The following CADM2 variants were observed in gnomAD, a reference collection of about 807,000 sequenced individuals.
CADM2 encodes cell adhesion molecule 2, also known as immunoglobulin superfamily member 4D.
A neutral mutation model predicts 49.8 loss-of-function variants in CADM2; 12 were observed. The ratio of observed to expected loss-of-function variants is 0.24; its 90% CI spans 0.15 to 0.39. The LOEUF is 0.39. Among genes scored for constraint, CADM2 ranks in the 10% least tolerant of loss-of-function variants. CADM2 has a pLI of 1.00. For synonymous variants in CADM2, 214 were observed against 175.4 expected (o/e 1.22, Z -1.74); for missense variants, 378 against 492.3 (o/e 0.77, Z 2.20).
At chr3:86,010,825 A>T (rs1391690209) in intron 8 of CADM2, among the ~76,000 whole-genome samples, 1 of 151,748 alleles carries the variant, frequency 6.6e-6, no homozygotes, top group African/African-American at 2.4e-5. Context: ...AATTATTAAT[A>T]TGCACAAATA....
chr3:85,379,944 C>T (rs187773255), intron 1 of CADM2, among the ~76,000 whole-genome samples: 64 of 152,048 alleles, frequency 4.2e-4, no homozygotes, highest in Admixed American at 1.1e-3. Context: ...GCACATTCTA[C>T]GCAAGAAAGC....
intron 1 of CADM2, among the ~76,000 whole-genome samples, chr3:85,293,996 A>G (rs1037487747): frequency 6.6e-6 from 1 of 152,014 alleles, no homozygotes; most frequent in Non-Finnish European, 1.5e-5. Context: ...AGGAAGTCAA[A>G]TTGTCCCTGT....
intron 3 of CADM2, among the ~76,000 whole-genome samples, chr3:85,843,992 C>T (rs1384215806): frequency 2.0e-5 from 3 of 151,966 alleles, no homozygotes; most frequent in South Asian, 4.1e-4. Context: ...AATTCGGGTT[C>T]GGTAGCCAGG....
At chr3:85,531,438 G>A (rs17516256) in intron 1 of CADM2, among the ~76,000 whole-genome samples, 79,922 of 152,056 alleles carry the variant, frequency 0.53, 23,539 homozygotes, top group East Asian at 0.85. Flanking sequence ...GGGATGACTT[G>A]CCACTTGAAG....
chr3:85,011,302 A>G (rs2033983096), intron 1 of CADM2, among the ~76,000 whole-genome samples: 1 of 152,118 alleles, frequency 6.6e-6, no homozygotes, highest in Non-Finnish European at 1.5e-5. Flanking sequence ...CTGCACATTT[A>G]GCAGAGTGTG....
chr3:85,340,403 C>T lies in CADM2; in HGVS notation c.61+380735C>T, dbSNP rs1436383377. Among the ~76,000 whole-genome samples, 3 of 151,328 alleles carry T rather than the reference C, an allele frequency of 2.0e-5. No homozygotes were observed. The Admixed American group carries it at 2.0e-4, about 10-fold the overall frequency. On this transcript the variant is annotated intron_variant, in intron 1 of 9. Coordinates refer to ENST00000383699, the MANE Select transcript of CADM2 (RefSeq NM_001167675.2). ...GAACATTAGTCTTTTCCTGTAGTTG[C>T]TCATAGATTAAGTGCTAATTCAATA...
intron 1 of CADM2, among the ~76,000 whole-genome samples, chr3:85,147,042 A>G (rs954958179): frequency 1.3e-5 from 2 of 151,914 alleles, no homozygotes; most frequent in African/African-American, 2.4e-5. Flanking sequence ...GGAGGCCGAC[A>G]CGGGCGGATC....
chr3:85,554,480 A>T (rs1162887647), intron 1 of CADM2, among the ~76,000 whole-genome samples: 2 of 152,152 alleles, frequency 1.3e-5, no homozygotes, highest in Non-Finnish European at 2.9e-5. Context: ...GATGAAAGAG[A>T]CCAAGAATCA....
chr3:85,133,750 TAAAGG>T (rs768839892), intron 1 of CADM2, among the ~76,000 whole-genome samples: 15 of 152,184 alleles, frequency 9.9e-5, no homozygotes, highest in Non-Finnish European at 2.1e-4. Context: ...GAGCTAGACA[TAAAGG>T]TTCTCCACGT....
chr3:84,972,136 G>T (rs963483760), intron 1 of CADM2, among the ~76,000 whole-genome samples: 8 of 152,184 alleles, frequency 5.3e-5, no homozygotes, highest in Non-Finnish European at 1.0e-4. Context: ...GGTCTCACTG[G>T]CCTTGAGCAA....
chr3:85,947,926 A>G (rs1463238160), intron 7 of CADM2, among the ~76,000 whole-genome samples: 1 of 151,538 alleles, frequency 6.6e-6, no homozygotes, highest in Admixed American at 6.6e-5. Flanking sequence ...TTTTCTTGCA[A>G]CAAAAAGCCA....
At chr3:86,032,041 AT>A (rs908419608) in intron 8 of CADM2, among the ~76,000 whole-genome samples, 3 of 151,488 alleles carry the variant, frequency 2.0e-5, no homozygotes, top group African/African-American at 7.3e-5. Flanking sequence ...TAACCAAGAT[AT>A]TTTTTTCTTC....
At chr3:85,528,803 G>T (rs1201422724) in intron 1 of CADM2, among the ~76,000 whole-genome samples, 1 of 152,124 alleles carries the variant, frequency 6.6e-6, no homozygotes, top group African/African-American at 2.4e-5. Context: ...CACTACTAGT[G>T]TTGTTTATTT....
rs1491406327 is a variant in CADM2 at position 85,769,528 on chromosome 3, T to TACATATATA, written c.89-32519_89-32518insACATATATA. Among the ~76,000 whole-genome samples, 9 of 107,858 alleles carry TACATATATA rather than the reference T, an allele frequency of 8.3e-5. 2 individuals carry two copies. The highest frequency in any genetic ancestry group is 4.1e-4 in the African/African-American group (8 of 19,332). The allele number at this position is 107,858 out of a possible 152,430, so 70.8% of individuals were successfully genotyped here. ...GTATATATACACGTATATACATATA[T>TACATATATA]GTATATATACACGTATATACATATA... is the stretch of plus-strand genomic sequence containing the variant. On this transcript the variant is annotated intron_variant, in intron 2 of 9. Coordinates refer to ENST00000383699, the MANE Select transcript of CADM2 (RefSeq NM_001167675.2).
intron 7 of CADM2, among the ~76,000 whole-genome samples, chr3:85,938,629 G>A (rs951695696): frequency 2.0e-5 from 3 of 151,902 alleles, no homozygotes; most frequent in African/African-American, 4.8e-5. Flanking sequence ...TCAGGTAATC[G>A]TTGTCAAAGT....
intron 1 of CADM2, among the ~76,000 whole-genome samples, chr3:85,521,767 G>T (rs2061030769): frequency 6.6e-6 from 1 of 152,024 alleles, no homozygotes; most frequent in Non-Finnish European, 1.5e-5. Context: ...TTGTGGCAGA[G>T]AATTTAAGAG....
At chr3:85,376,266 A>G (rs1288695426) in intron 1 of CADM2, among the ~76,000 whole-genome samples, 1 of 152,072 alleles carries the variant, frequency 6.6e-6, no homozygotes, top group African/African-American at 2.4e-5. Flanking sequence ...CTATATCCCA[A>G]TGGGATTTAA....
intron 1 of CADM2, among the ~76,000 whole-genome samples, chr3:85,009,664 G>A (rs900724156): frequency 2.0e-5 from 3 of 151,942 alleles, no homozygotes; most frequent in South Asian, 2.1e-4. Flanking sequence ...TCAGGAGTTC[G>A]AGACCAGCCT....
intron 1 of CADM2, among the ~76,000 whole-genome samples, chr3:85,050,112 G>T (rs1425682193): frequency 6.6e-6 from 1 of 151,888 alleles, no homozygotes; most frequent in East Asian, 1.9e-4. Flanking sequence ...GATTGCTCTC[G>T]GTGTTCTGTT....
Sources: allele counts gnomAD v4.1 joint callset (sites outside exome capture counted in the v4.1 genomes callset), GRCh38; gene constraint gnomAD v4.1.1; transcripts MANE v1.5; gene names NCBI Gene and HGNC (gene_info 2026-07-23, HGNC 2026-07-21).